Variants in SNTG1 observed in about 807,000 individuals in gnomAD.
SNTG1 encodes the protein syntrophin gamma 1.
A neutral mutation model predicts 74.7 loss-of-function variants in SNTG1; 39 were observed. That is an observed-to-expected ratio of 0.52 (90% CI 0.40 to 0.68). The LOEUF is 0.68. SNTG1 is among the 30% of genes least tolerant of loss of function. The pLI, the probability that SNTG1 is intolerant of heterozygous loss-of-function variation, is 0.00. For missense variants in SNTG1, 685 were observed against 609.5 expected (o/e 1.12, Z -1.30); for synonymous variants, 254 against 217.1 (o/e 1.17, Z -1.49).
intron 1 of SNTG1, among the ~76,000 whole-genome samples, chr8:50,092,992 T>A (rs573265970): frequency 1.1e-3 from 174 of 152,232 alleles, no homozygotes; most frequent in Non-Finnish European, 2.2e-3. Flanking sequence ...CACCAGTGGA[T>A]CTCGTTGAAG....
At chr8:50,397,117 T>A (rs2092737667) in intron 3 of SNTG1, among the ~76,000 whole-genome samples, 1 of 152,192 alleles carries the variant, frequency 6.6e-6, no homozygotes, top group Admixed American at 6.5e-5. Context: ...ATATTTTACT[T>A]ATATCATTTT....
At chr8:50,738,549 A>G (rs946637720) in intron 17 of SNTG1, among the ~76,000 whole-genome samples, 7 of 152,112 alleles carry the variant, frequency 4.6e-5, no homozygotes, top group African/African-American at 1.7e-4. Flanking sequence ...ACAGAATTAG[A>G]AAAAACTACT....
chr8:50,115,779 T>G (rs1350551014), intron 1 of SNTG1, among the ~76,000 whole-genome samples: 2 of 152,046 alleles, frequency 1.3e-5, no homozygotes, highest in African/African-American at 4.8e-5. Context: ...GAGATCATTT[T>G]TTTGCAAGGT....
At chr8:50,391,430 C>T (rs926697908) in intron 2 of SNTG1, among the ~76,000 whole-genome samples, 1 of 152,150 alleles carries the variant, frequency 6.6e-6, no homozygotes, top group African/African-American at 2.4e-5. Flanking sequence ...CCCACTTGAT[C>T]ATGGTGGATA....
intron 17 of SNTG1, among the ~76,000 whole-genome samples, chr8:50,721,973 A>C (rs1042468878): frequency 5.9e-5 from 9 of 152,140 alleles, no homozygotes; most frequent in Non-Finnish European, 1.3e-4. Flanking sequence ...TCAGCCATCA[A>C]ATGATTCAGT....
intron 13 of SNTG1, among the ~76,000 whole-genome samples, chr8:50,602,008 T>G (rs993097389): frequency 2.0e-5 from 3 of 152,150 alleles, no homozygotes; most frequent in African/African-American, 7.2e-5. Flanking sequence ...TTGTGTATCT[T>G]CAGAGGTGAA....
At chr8:50,205,032 G>A (rs183104788) in intron 2 of SNTG1, among the ~76,000 whole-genome samples, 10 of 152,220 alleles carry the variant, frequency 6.6e-5, no homozygotes, top group African/African-American at 9.6e-5. Flanking sequence ...ATAAACATAC[G>A]TGTGCATGTG....
chr8:50,115,874 G>C (rs967658611), intron 1 of SNTG1, among the ~76,000 whole-genome samples: 1 of 151,712 alleles, frequency 6.6e-6, no homozygotes, highest in Non-Finnish European at 1.5e-5. Flanking sequence ...ACCACCCACC[G>C]CCCCCCAACC....
intron 2 of SNTG1, among the ~76,000 whole-genome samples, chr8:50,219,480 A>G (rs528221362): frequency 2.0e-5 from 3 of 152,292 alleles, no homozygotes; most frequent in Admixed American, 2.0e-4. Flanking sequence ...TGGGTAACTT[A>G]TAATGAAAAG....
intron 17 of SNTG1, among the ~76,000 whole-genome samples, chr8:50,717,832 C>G (rs2095478534): frequency 6.6e-6 from 1 of 152,174 alleles, no homozygotes; most frequent in Non-Finnish European, 1.5e-5. Context: ...AACATTTCTG[C>G]CCCTCACACA....
intron 9 of SNTG1, among the ~76,000 whole-genome samples, chr8:50,508,002 T>G (rs919396804): frequency 1.2e-4 from 19 of 152,038 alleles, no homozygotes; most frequent in African/African-American, 4.3e-4. Context: ...TGTGCCATGT[T>G]GGTATGCTGC....
chr8:50,385,545 A>G (rs2092560872), intron 2 of SNTG1, among the ~76,000 whole-genome samples: 1 of 152,200 alleles, frequency 6.6e-6, no homozygotes. Flanking sequence ...ACTAGGTCCA[A>G]TTAACTTAAT....
At chr8:49,925,058 C>A (rs1806896373) in intron 1 of SNTG1, among the ~76,000 whole-genome samples, 1 of 151,918 alleles carries the variant, frequency 6.6e-6, no homozygotes, top group Non-Finnish European at 1.5e-5. Context: ...GAGGCAGAGG[C>A]AGGAGAATTG....
intron 17 of SNTG1, among the ~76,000 whole-genome samples, chr8:50,719,549 T>C (rs762287026): frequency 6.6e-6 from 1 of 152,200 alleles, no homozygotes; most frequent in Non-Finnish European, 1.5e-5. Context: ...AACATGCTCT[T>C]AGAATCCAAG....
At chr8:50,427,801 C>T (rs1041702701) in intron 4 of SNTG1, among the ~76,000 whole-genome samples, 1 of 152,132 alleles carries the variant, frequency 6.6e-6, no homozygotes, top group Non-Finnish European at 1.5e-5. Flanking sequence ...TATATTATGC[C>T]AAGAGGCACT....
chr8:50,097,649 C>T (rs2079978867), intron 1 of SNTG1, among the ~76,000 whole-genome samples: 1 of 147,668 alleles, frequency 6.8e-6, no homozygotes, highest in Admixed American at 6.8e-5. Flanking sequence ...GAGACTCCGT[C>T]TCAAAAAAAA....
At chr8:50,761,349 G>T (rs180776072) in intron 18 of SNTG1, among the ~76,000 whole-genome samples, 33 of 152,076 alleles carry the variant, frequency 2.2e-4, no homozygotes, top group African/African-American at 7.7e-4. Flanking sequence ...GTGTTAAGGT[G>T]GGGGAGGGGA....
At chr8:50,026,768 A>G (rs1398758465) in intron 1 of SNTG1, among the ~76,000 whole-genome samples, 1 of 152,126 alleles carries the variant, frequency 6.6e-6, no homozygotes. Context: ...TTAAATAAAA[A>G]CATCAGGAAG....
At chr8:50,608,299 C>T (rs761359608) in intron 13 of SNTG1, among the ~76,000 whole-genome samples, 28 of 151,722 alleles carry the variant, frequency 1.8e-4, no homozygotes, top group Admixed American at 3.9e-4. Context: ...GAGAGTAATA[C>T]GTAAATCTCC....
Sources: allele counts gnomAD v4.1 joint callset (sites outside exome capture counted in the v4.1 genomes callset), GRCh38; gene constraint gnomAD v4.1.1; transcripts MANE v1.5; gene names NCBI Gene and HGNC (gene_info 2026-07-23, HGNC 2026-07-21).